SORCS2: variants seen among roughly 807,000 people sequenced by gnomAD.
SORCS2 encodes sortilin related VPS10 domain containing receptor 2.
SORCS2 carries 100 observed loss-of-function variants against 141.6 expected under a neutral mutation model. The observed-to-expected ratio is 0.71, with a 90% CI of 0.60 to 0.83. SORCS2 has a LOEUF of 0.83. SORCS2 is among the 40% of genes least tolerant of loss of function. The pLI, the probability that SORCS2 is intolerant of heterozygous loss-of-function variation, is 0.00. For missense variants in SORCS2, 1,646 were observed against 1,560.2 expected (o/e 1.05, Z -0.93); for synonymous variants, 789 against 676.9 (o/e 1.17, Z -2.57).
chr4:7,636,240 A>G (rs568801349), intron 3 of SORCS2, among the ~76,000 whole-genome samples: 1 of 142,434 alleles, frequency 7.0e-6, no homozygotes, highest in South Asian at 2.4e-4. Flanking sequence ...TTCCTTTGGG[A>G]CTTGCTTTGG....
intron 1 of SORCS2, among the ~76,000 whole-genome samples, chr4:7,247,722 C>A (rs1328449903): frequency 6.6e-6 from 1 of 152,122 alleles, no homozygotes; most frequent in African/African-American, 2.4e-5. Flanking sequence ...ACCTGGCGAC[C>A]CTGGCGAGGG....
At chr4:7,505,680 G>A (rs988389161) in intron 2 of SORCS2, among the ~76,000 whole-genome samples, 1 of 152,154 alleles carries the variant, frequency 6.6e-6, no homozygotes, top group Non-Finnish European at 1.5e-5. Flanking sequence ...CCGAGAGCCT[G>A]GCTCTGCCAG....
rs1311042569 is a variant in SORCS2, at chr4:7,193,968, C to T, written c.480+842C>T. Among the ~76,000 whole-genome samples, 1 of 152,162 alleles carries T rather than the reference C, an allele frequency of 6.6e-6. No individual in the cohort carries two copies. The highest frequency in any genetic ancestry group is 1.5e-5 in the Non-Finnish European group (1 of 68,020). On this transcript the variant is annotated intron_variant, in intron 1 of 26. Coordinates refer to ENST00000507866, the MANE Select transcript of SORCS2 (RefSeq NM_020777.3). This position sits in a 1 kb window ranked among gnomAD's most constrained non-coding sequence, Gnocchi z 4.8. The stretch of plus-strand genomic sequence containing the variant: ...TGGTGCATGCAGGAGGCAGAGGGTC[C>T]CTTTAGATTATTCCCCTGGGGGCTG...
At position 7,737,170 on chromosome 4, in the gene SORCS2, A is replaced by G. The variant is rs1275414096; in HGVS notation, c.3413A>G (p.Gln1138Arg). 2 of 1,551,078 alleles carry G rather than the reference A, an allele frequency of 1.3e-6. No individual in the cohort carries two copies. The highest frequency in any genetic ancestry group is 1.4e-5 in the African/African-American group (1 of 73,036). Residue 1138 changes from glutamine (Q) to arginine (R), a missense_variant and splice_region_variant, in exon 26 of 27, where the codon CAG becomes CGG. Gln to Arg is a conservative substitution (Grantham distance 43). Transcript: ENST00000507866. The part of the protein sequence containing the change: ...SHSEDVQGAV[Q>R]GNHSGVVLSI... ...AGTGAGGACGTCCAGGGCGCTGTCC[A>G]GGGTGAGGAGTTTATAGATGATGAT... is the stretch of plus-strand genomic sequence containing the variant.
intron 9 of SORCS2, among the ~76,000 whole-genome samples, chr4:7,679,198 G>GTT (rs1723356203): frequency 6.6e-6 from 1 of 152,144 alleles, no homozygotes. Flanking sequence ...CTCTCCCCCA[G>GTT]CAGGGCACAA....
intron 3 of SORCS2, among the ~76,000 whole-genome samples, chr4:7,614,742 C>T (rs913805704): frequency 2.0e-5 from 3 of 151,778 alleles, no homozygotes; most frequent in Admixed American, 6.6e-5. Flanking sequence ...TATCCATCCA[C>T]CTATTCATCC....
intron 2 of SORCS2, among the ~76,000 whole-genome samples, chr4:7,511,208 C>T (rs1467507736): frequency 3.3e-5 from 5 of 152,006 alleles, no homozygotes; most frequent in Non-Finnish European, 5.9e-5. Flanking sequence ...AGGAATGACA[C>T]GCCCAGAGAC....
In SORCS2 at chr4:7,489,935, G is replaced by A. The variant is rs377651866; in HGVS notation, c.549-41595G>A. 5.7e-4 allele frequency among the ~76,000 whole-genome samples: 87 copies of A among 152,324 alleles called. 1 individual carries two copies. In the South Asian group the frequency reaches 0.016, roughly 27 times the overall value. ...AGAGAAGGGTGTCCTGTGGCTAGGC[G>A]GATGGTGAATGCCAGGCTGGGTTCT... On this transcript the variant is annotated intron_variant, in intron 2 of 26. Coordinates refer to ENST00000507866, the MANE Select transcript of SORCS2 (RefSeq NM_020777.3).
At chr4:7,400,130 C>T (rs2109122990) in intron 2 of SORCS2, among the ~76,000 whole-genome samples, 1 of 152,190 alleles carries the variant, frequency 6.6e-6, no homozygotes, top group Non-Finnish European at 1.5e-5. Context: ...AGCCATACCC[C>T]CTGCAAAAAC....
At chr4:7,412,198 T>C (rs544778683) in intron 2 of SORCS2, among the ~76,000 whole-genome samples, 1 of 152,326 alleles carries the variant, frequency 6.6e-6, no homozygotes, top group African/African-American at 2.4e-5. Flanking sequence ...ACCCTGGTGT[T>C]GTGTGCCACC....
intron 3 of SORCS2, among the ~76,000 whole-genome samples, chr4:7,569,964 G>A (rs1715276254): frequency 6.6e-6 from 1 of 152,186 alleles, no homozygotes; most frequent in South Asian, 2.1e-4. Context: ...GTAGCGGCTG[G>A]ATGAGGTGCT....
intron 3 of SORCS2, among the ~76,000 whole-genome samples, chr4:7,600,865 C>A (rs930328185): frequency 6.6e-6 from 1 of 152,094 alleles, no homozygotes; most frequent in Admixed American, 6.6e-5. Context: ...ATAACTTTCC[C>A]TATCTTTTCA....
intron 10 of SORCS2, among the ~76,000 whole-genome samples, chr4:7,685,648 G>C (rs1262770069): frequency 6.6e-6 from 1 of 151,698 alleles, no homozygotes; most frequent in Non-Finnish European, 1.5e-5. Context: ...TCTAGCCTGG[G>C]TGACAGAGCG....
intron 1 of SORCS2, among the ~76,000 whole-genome samples, chr4:7,256,040 GGCTGGCCTTGCTGGGCAGGTCGT>G (rs1454189108): frequency 6.6e-6 from 1 of 152,154 alleles, no homozygotes; most frequent in Admixed American, 6.5e-5. Context: ...GCCCCACTGG[GGCTGGCCTTGCTGGGCAGGTCGT>G]GCTGTCTCTC....
Position 7,507,725 on chromosome 4 carries a change from G to A in SORCS2, c.549-23805G>A, listed in dbSNP as rs962485869. ...TTCCAATCAGTGGGGAAAAATGTCAGTGGTCCATTTTGTACTTCCAATGGG... is the reference window on the plus strand; with the variant it reads ...TTCCAATCAGTGGGGAAAAATGTCAATGGTCCATTTTGTACTTCCAATGGG... On this transcript the variant is annotated intron_variant, in intron 2 of 26. Coordinates refer to ENST00000507866, the MANE Select transcript of SORCS2 (RefSeq NM_020777.3). Among the ~76,000 whole-genome samples, 4 of 140,838 alleles carry A rather than the reference G, an allele frequency of 2.8e-5. No homozygotes were observed. The South Asian group carries it at 8.4e-4, about 30-fold the overall frequency. The allele number at this position is 140,838 out of a possible 152,430, so 92.4% of individuals were successfully genotyped here. A position where few individuals can be genotyped will look rare whatever the true frequency, so the allele number is the denominator to read the frequency against.
intron 1 of SORCS2, among the ~76,000 whole-genome samples, chr4:7,222,155 C>T (rs765126334): frequency 6.6e-6 from 1 of 152,110 alleles, no homozygotes; most frequent in Non-Finnish European, 1.5e-5. Flanking sequence ...CCAGCAGTCC[C>T]CTCCTAGGCA....
chr4:7,277,807 T>C (rs915044405), intron 1 of SORCS2, among the ~76,000 whole-genome samples: 17 of 152,154 alleles, frequency 1.1e-4, no homozygotes, highest in Non-Finnish European at 1.5e-5. Flanking sequence ...CAGACATTCA[T>C]CCGCCTGAAG....
rs930581188 is a variant in SORCS2, at chr4:7,530,517, G to A, written c.549-1013G>A. Among the ~76,000 whole-genome samples the A allele has an allele frequency of 2.0e-5, 3 of 152,322 alleles. No individual in the cohort carries two copies. The South Asian group carries it at 6.2e-4, about 32-fold the overall frequency. Reference sequence around the variant, plus strand: ...CCACCCCTGTGCCTCTCCCCACCTTGGGTCTGTGTCTGGATTCTGCATCGA... The same window carrying A: ...CCACCCCTGTGCCTCTCCCCACCTTAGGTCTGTGTCTGGATTCTGCATCGA... On this transcript the variant is annotated intron_variant, in intron 2 of 26. Transcript: ENST00000507866.
intron 1 of SORCS2, among the ~76,000 whole-genome samples, chr4:7,296,188 G>T (rs925152245): frequency 7.2e-5 from 11 of 152,170 alleles, no homozygotes; most frequent in Non-Finnish European, 1.5e-4. Flanking sequence ...GCTCCCTCTG[G>T]GGTGCCCCCA....
Sources: allele counts gnomAD v4.1 joint callset (sites outside exome capture counted in the v4.1 genomes callset), GRCh38; gene constraint gnomAD v4.1.1; non-coding constraint Gnocchi (gnomAD v3.1); transcripts MANE v1.5; gene names NCBI Gene and HGNC (gene_info 2026-07-23, HGNC 2026-07-21).